CDC25C: variants seen among roughly 807,000 people sequenced by gnomAD.
CDC25C encodes the protein cell division cycle 25C.
Under a neutral mutation model 52.5 loss-of-function variants are expected in CDC25C, and 48 were observed. The ratio of observed to expected loss-of-function variants is 0.91; its 90% CI spans 0.72 to 1.16. CDC25C has a LOEUF of 1.16. Ranked by LOEUF, CDC25C falls within the 50% of genes most tolerant of loss-of-function variation. The pLI, the probability that CDC25C is intolerant of heterozygous loss-of-function variation, is 0.00. For missense variants in CDC25C, 510 were observed against 566.1 expected (o/e 0.90, Z 1.01); for synonymous variants, 187 against 206.5 (o/e 0.91, Z 0.81).
chr5:138,298,207 C>T (rs1428085069), intron 7 of CDC25C, among the ~76,000 whole-genome samples: 2 of 150,758 alleles, frequency 1.3e-5, no homozygotes, highest in Non-Finnish European at 2.9e-5. Flanking sequence ...CTCTTTGTTG[C>T]CCAGGCTGGT....
intron 7 of CDC25C, among the ~76,000 whole-genome samples, chr5:138,304,406 A>G (rs1757850819): frequency 7.2e-6 from 1 of 139,288 alleles, no homozygotes; most frequent in Non-Finnish European, 1.5e-5. Context: ...GAATGCATCC[A>G]TTTCTCTGTC....
chr5:138,321,716 C>T (rs1490289577), intron 6 of CDC25C, among the ~76,000 whole-genome samples: 6 of 124,970 alleles, frequency 4.8e-5, no homozygotes, highest in African/African-American at 1.9e-4. Flanking sequence ...CGCACCACTG[C>T]ACTCCAGCCT....
intron 7 of CDC25C, among the ~76,000 whole-genome samples, chr5:138,294,381 G>A (rs770862688): frequency 6.7e-6 from 1 of 150,182 alleles, no homozygotes; most frequent in Non-Finnish European, 1.5e-5. Context: ...TAGTAGAGAC[G>A]GGGTTTCACC....
intron 9 of CDC25C, among the ~76,000 whole-genome samples, chr5:138,289,848 T>C (rs1330257271): frequency 3.3e-5 from 5 of 150,826 alleles, no homozygotes; most frequent in Non-Finnish European, 5.9e-5. Context: ...CAAGAAGGGA[T>C]TTATGAAGAA....
intron 7 of CDC25C, among the ~76,000 whole-genome samples, chr5:138,297,477 A>C (rs1190262094): frequency 6.6e-6 from 1 of 152,140 alleles, no homozygotes; most frequent in Non-Finnish European, 1.5e-5. Context: ...CTTACCTATC[A>C]AACCTCTAAT....
At chr5:138,289,590 C>T in intron 9 of CDC25C, 27 bp from the exon 10 acceptor site, 4 of 1,586,944 alleles carry the variant, frequency 2.5e-6, no homozygotes, top group Non-Finnish European at 3.5e-6. Context: ...GCTGAAATAA[C>T]AGCAAGTATT....
chr5:138,306,751 C>T (rs1312392943), intron 7 of CDC25C, among the ~76,000 whole-genome samples: 2 of 151,296 alleles, frequency 1.3e-5, no homozygotes, highest in African/African-American at 2.4e-5. Context: ...GCTGGGATTA[C>T]AGGCGTGAGC....
chr5:138,316,814 T>A (rs1340184326), intron 7 of CDC25C, among the ~76,000 whole-genome samples: 3 of 152,062 alleles, frequency 2.0e-5, no homozygotes, highest in African/African-American at 7.2e-5. Flanking sequence ...GAGAGCTGAA[T>A]ACGGGATAAG....
rs1756363962 is a variant in CDC25C at position 138,287,650 on chromosome 5, A to G, written c.928-383T>C. On this transcript the variant is annotated intron_variant, in intron 10 of 13. Coordinates refer to ENST00000323760, the MANE Select transcript of CDC25C (RefSeq NM_001790.5). ...GTTCCCTACCCACCATCAAAAAGGAAGAAAGTAAGTCTTTCAGGAAAGGAT... is the reference window on the plus strand; with the variant it reads ...GTTCCCTACCCACCATCAAAAAGGAGGAAAGTAAGTCTTTCAGGAAAGGAT... 2.0e-5 allele frequency among the ~76,000 whole-genome samples: 3 copies of G among 152,236 alleles called. No homozygotes were observed. The South Asian group carries it at 6.2e-4, about 32-fold the overall frequency.
chr5:138,286,421 C>G, intron 12 of CDC25C, 76 bp downstream of exon 12: 1 of 1,413,962 alleles, frequency 7.1e-7, no homozygotes, highest in Non-Finnish European at 9.7e-7. Context: ...TCCAGTCAGT[C>G]TCTGTCTGAA....
intron 7 of CDC25C, among the ~76,000 whole-genome samples, chr5:138,319,009 T>C (rs1465339190): frequency 6.6e-6 from 1 of 152,224 alleles, no homozygotes; most frequent in Non-Finnish European, 1.5e-5. Flanking sequence ...TTCTATTTTC[T>C]GTACTTCATT....
intron 6 of CDC25C, among the ~76,000 whole-genome samples, chr5:138,323,523 A>G (rs920083052): frequency 2.6e-5 from 4 of 151,814 alleles, no homozygotes; most frequent in African/African-American, 9.7e-5. Context: ...TTCCCCAGCT[A>G]GGGAACTCAA....
intron 12 of CDC25C, 71 bp from the exon 13 acceptor site, chr5:138,286,204 G>C: frequency 5.9e-6 from 7 of 1,194,798 alleles, no homozygotes; most frequent in African/African-American, 1.5e-5. Flanking sequence ...CATTCACTGG[G>C]GAGGGGGGAG....
Position 138,323,957 on chromosome 5 carries a change from CA to C in CDC25C, c.459+1857del, listed in dbSNP as rs774091050. 6.5e-3 allele frequency among the ~76,000 whole-genome samples: 691 copies of C among 105,520 alleles called. 2 individuals carry two copies. The highest frequency in any genetic ancestry group is 0.024 in the Middle Eastern group (4 of 170). The allele number at this position is 105,520 out of a possible 152,430, so 69.2% of individuals were successfully genotyped here. A position where few individuals can be genotyped will look rare whatever the true frequency, so the allele number is the denominator to read the frequency against. ...TGGACAACAGAGCAAGATTCCATCT[CA>C]AAAAAAAAAAAAAAACAAATTCCAT... On this transcript the variant is annotated intron_variant, in intron 6 of 13. Coordinates refer to ENST00000323760, the MANE Select transcript of CDC25C (RefSeq NM_001790.5).
At chr5:138,336,770 C>T (rs1166099095), upstream of CDC25C, 1 of 152,170 alleles carries the variant, frequency 6.6e-6, no homozygotes, top group Non-Finnish European at 1.5e-5. Context: ...TGGCCCCTAA[C>T]TCTGCTCCTT....
intron 6 of CDC25C, among the ~76,000 whole-genome samples, chr5:138,320,308 A>G (rs1006223057): frequency 2.0e-5 from 3 of 150,230 alleles, no homozygotes; most frequent in African/African-American, 4.9e-5. Context: ...TCCATCTTGG[A>G]AAAAAAAAAT....
intron 7 of CDC25C, among the ~76,000 whole-genome samples, chr5:138,296,750 C>T (rs1253141336): frequency 6.6e-6 from 1 of 150,662 alleles, no homozygotes; most frequent in East Asian, 1.9e-4. Flanking sequence ...GGACTACAGG[C>T]GCCCGCCACC....
Position 138,287,257 on chromosome 5 carries a change from A to C in CDC25C, c.938T>G (p.Leu313Ter). The C allele has an allele frequency of 6.2e-7, 1 of 1,613,354 alleles. No individual in the cohort carries two copies. ...CAGACCCTGGAACTTCCCCGACAGT[A>C]AGGCAGCCACCTGGACAGAAACAAT... Reference protein sequence around the residue: ...KYVNPETVAALLSGKFQGLIE... With the variant: ...KYVNPETVAA The change falls in exon 11 of 14, where the codon TTA becomes TGA. Residue 313 changes from leucine (L) to a stop codon, truncating the protein, a stop_gained. Transcript: ENST00000323760. LOFTEE classifies it high-confidence loss of function.
intron 7 of CDC25C, among the ~76,000 whole-genome samples, chr5:138,294,721 G>A (rs1757040146): frequency 6.6e-6 from 1 of 151,856 alleles, no homozygotes; most frequent in South Asian, 2.1e-4. Context: ...AGCCAGGATG[G>A]TCTCGATCTT....
Sources: allele counts gnomAD v4.1 joint callset (sites outside exome capture counted in the v4.1 genomes callset), GRCh38; gene constraint gnomAD v4.1.1; transcripts MANE v1.5; gene names NCBI Gene and HGNC (gene_info 2026-07-23, HGNC 2026-07-21).